The following KHDRBS2 variants were observed in gnomAD, a reference collection of about 807,000 sequenced individuals.
KHDRBS2 encodes KH domain-containing, RNA-binding, signal transduction-associated protein 2.
KHDRBS2 carries 26 observed loss-of-function variants against 44.3 expected under a neutral mutation model. The observed-to-expected ratio is 0.59, with a 90% CI of 0.43 to 0.81. The LOEUF is 0.81. Among genes scored for constraint, KHDRBS2 ranks in the 40% least tolerant of loss-of-function variants. The pLI, the probability that KHDRBS2 is intolerant of heterozygous loss-of-function variation, is 0.00. For missense variants in KHDRBS2, 476 were observed against 433.1 expected (o/e 1.10, Z -0.88); for synonymous variants, 194 against 151.1 (o/e 1.28, Z -2.08).
chr6:61,999,075 T>G (rs545703300), intron 3 of KHDRBS2, among the ~76,000 whole-genome samples: 2 of 152,218 alleles, frequency 1.3e-5, no homozygotes, highest in South Asian at 4.1e-4. Flanking sequence ...AATTCTTTCT[T>G]GCATTAAGGC....
the KHDRBS2 span, among the ~76,000 whole-genome samples, chr6:61,576,711 T>A: frequency 6.6e-6 from 1 of 152,154 alleles, no homozygotes; most frequent in Admixed American, 6.6e-5. Context: ...TTCGATAAAT[T>A]TTAACTCAAG....
intron 3 of KHDRBS2, among the ~76,000 whole-genome samples, chr6:61,994,240 T>G (rs911140223): frequency 2.0e-5 from 3 of 152,224 alleles, no homozygotes; most frequent in Non-Finnish European, 4.4e-5. Flanking sequence ...TCCAAGGATA[T>G]GGTCACTTCA....
At chr6:61,673,376 C>A in the KHDRBS2 span, among the ~76,000 whole-genome samples, 63 of 151,896 alleles carry the variant, frequency 4.1e-4, no homozygotes, top group African/African-American at 1.4e-3. Context: ...GACAGGGATG[C>A]CCTCTCTCAC....
At chr6:62,045,450 C>A (rs1318858417) in intron 3 of KHDRBS2, among the ~76,000 whole-genome samples, 2 of 151,996 alleles carry the variant, frequency 1.3e-5, no homozygotes, top group African/African-American at 4.8e-5. Context: ...TTGCTCCCAA[C>A]ACCACTAACC....
chr6:61,632,467 T>A, the KHDRBS2 span, among the ~76,000 whole-genome samples: 1 of 152,158 alleles, frequency 6.6e-6, no homozygotes, highest in African/African-American at 2.4e-5. Context: ...TTGAGAAATT[T>A]AGTAGAATAC....
intron 6 of KHDRBS2, among the ~76,000 whole-genome samples, chr6:61,881,392 A>G (rs955722540): frequency 1.3e-5 from 2 of 150,150 alleles, no homozygotes; most frequent in African/African-American, 5.0e-5. Flanking sequence ...TTTAATATTC[A>G]AAATGCATGA....
At chr6:62,095,746 A>G (rs1192939285) in intron 2 of KHDRBS2, among the ~76,000 whole-genome samples, 1 of 151,870 alleles carries the variant, frequency 6.6e-6, no homozygotes, top group Non-Finnish European at 1.5e-5. Context: ...TAGAACTTCC[A>G]GTACTATGAT....
chr6:61,974,300 A>G (rs1347182042), intron 4 of KHDRBS2, among the ~76,000 whole-genome samples: 1 of 152,072 alleles, frequency 6.6e-6, no homozygotes, highest in African/African-American at 2.4e-5. Flanking sequence ...ACAAGACACA[A>G]CTCTCACAAC....
chr6:61,691,423 T>C (rs1321186243), intron 8 of KHDRBS2, among the ~76,000 whole-genome samples: 2 of 152,074 alleles, frequency 1.3e-5, no homozygotes, highest in Non-Finnish European at 2.9e-5. Context: ...AATTTTAAAA[T>C]ACTTTAGAAG....
the KHDRBS2 span, among the ~76,000 whole-genome samples, chr6:61,555,991 C>T: frequency 6.6e-6 from 1 of 152,186 alleles, no homozygotes; most frequent in African/African-American, 2.4e-5. Context: ...GGTTCATGCT[C>T]GTTTGCACAT....
In KHDRBS2 at chr6:61,960,713, T is replaced by C. The variant is rs77673897; in HGVS notation, c.483+17353A>G. On this transcript the variant is annotated intron_variant, in intron 4 of 8. Transcript: ENST00000281156. ...TAAGCATTTTAACAAATTTCCTGCA[T>C]GAAAATGATCAATTTTTCTTCCTAT... is the stretch of plus-strand genomic sequence containing the variant. Among the ~76,000 whole-genome samples, 410 of 152,254 alleles carry C rather than the reference T, an allele frequency of 2.7e-3. 1 individual carries two copies. The highest frequency in any genetic ancestry group is 9.2e-3 in the African/African-American group (384 of 41,570).
chr6:61,773,044 T>A (rs911435322), intron 6 of KHDRBS2, among the ~76,000 whole-genome samples: 8 of 152,214 alleles, frequency 5.3e-5, no homozygotes, highest in Non-Finnish European at 1.0e-4. Flanking sequence ...CTATCATTGT[T>A]TGATATTTGG....
chr6:62,142,352 C>G (rs921085730), intron 2 of KHDRBS2, among the ~76,000 whole-genome samples: 2 of 152,148 alleles, frequency 1.3e-5, no homozygotes, highest in South Asian at 4.2e-4. Context: ...TGAAAATTTG[C>G]TGATTAATAT....
chr6:61,741,892 C>T (rs529538776), intron 6 of KHDRBS2, among the ~76,000 whole-genome samples: 1 of 151,990 alleles, frequency 6.6e-6, no homozygotes, highest in African/African-American at 2.4e-5. Flanking sequence ...ATTAACAAGT[C>T]TTTGTGACAG....
At chr6:62,149,276 C>A (rs886787965) in intron 2 of KHDRBS2, among the ~76,000 whole-genome samples, 33 of 152,082 alleles carry the variant, frequency 2.2e-4, no homozygotes, top group African/African-American at 7.7e-4. Context: ...CGGGCTTTTA[C>A]GTACTCACTT....
intron 2 of KHDRBS2, among the ~76,000 whole-genome samples, chr6:62,163,737 T>C (rs143821094): frequency 7.4e-4 from 112 of 152,126 alleles, no homozygotes; most frequent in African/African-American, 2.6e-3. Flanking sequence ...AACACGATCA[T>C]TAATATATTG....
chr6:62,052,540 G>A (rs1182895727), intron 2 of KHDRBS2, among the ~76,000 whole-genome samples: 1 of 146,368 alleles, frequency 6.8e-6, no homozygotes, highest in Non-Finnish European at 1.5e-5. Flanking sequence ...AGTGTACACT[G>A]GCAATCCTCA....
the KHDRBS2 span, among the ~76,000 whole-genome samples, chr6:61,588,384 TA>T: frequency 6.6e-6 from 1 of 152,194 alleles, no homozygotes; most frequent in African/African-American, 2.4e-5. Context: ...TAAGAAAAAT[TA>T]AAGTTTCTTT....
intron 6 of KHDRBS2, among the ~76,000 whole-genome samples, chr6:61,757,589 C>T (rs998194824): frequency 2.0e-5 from 3 of 152,118 alleles, no homozygotes; most frequent in African/African-American, 7.2e-5. Context: ...TGATTGTTGA[C>T]AATGGTTTAA....
Sources: allele counts gnomAD v4.1 joint callset (sites outside exome capture counted in the v4.1 genomes callset), GRCh38; gene constraint gnomAD v4.1.1; transcripts MANE v1.5; gene names NCBI Gene and HGNC (gene_info 2026-07-23, HGNC 2026-07-21).